Variants in HDAC8 observed in about 807,000 individuals in gnomAD.
HDAC8 encodes the protein histone deacetylase 8.
Under a neutral mutation model 32.2 loss-of-function variants are expected in HDAC8, and 1 was observed. That is an observed-to-expected ratio of 0.03 (90% CI 0.01 to 0.15). The LOEUF is 0.15. HDAC8 is among the 10% of genes least tolerant of loss of function. The probability of loss-of-function intolerance (pLI) is 1.00; values close to 1 mark genes in which losing one functional copy is unlikely to be tolerated. For missense variants in HDAC8, 117 were observed against 300.0 expected, an observed-to-expected ratio of 0.39 and a Z score of 4.51; for synonymous variants, 108 against 113.9, an observed-to-expected ratio of 0.95 and a Z score of 0.33.
chrX:72,471,885 TTA>T (rs1375054113), intron 7 of HDAC8, among the ~76,000 whole-genome samples: 1 of 111,328 alleles, frequency 9.0e-6, no homozygotes, highest in Non-Finnish European at 1.9e-5. Flanking sequence ...CTTTTTTTGC[TTA>T]TGTTTTTGGT....
Position 72,395,933 on chromosome X carries a change from TA to T in HDAC8, c.1006-44096del, listed in dbSNP as rs1429328663. ...CTCACTAACTTGGAGACTAGGAGTGTAAATATGCAAACTGTTTTCCCCTTAA... is the reference window on the plus strand; with the variant it reads ...CTCACTAACTTGGAGACTAGGAGTGTAATATGCAAACTGTTTTCCCCTTAA... On this transcript the variant is annotated intron_variant, in intron 9 of 10. Coordinates refer to ENST00000373573, the MANE Select transcript of HDAC8 (RefSeq NM_018486.3). 4.5e-5 allele frequency among the ~76,000 whole-genome samples: 5 copies of T among 111,643 alleles called. No individual in the cohort carries two copies. In the East Asian group the frequency reaches 1.4e-3, roughly 32 times the overall value.
intron 7 of HDAC8, among the ~76,000 whole-genome samples, chrX:72,473,091 A>G (rs1209204942): frequency 2.7e-5 from 3 of 112,468 alleles, no homozygotes; most frequent in Non-Finnish European, 5.6e-5. Flanking sequence ...TCTTAATTCA[A>G]AAACCTTTAA....
At chrX:72,486,414 C>T (rs186566904) in intron 7 of HDAC8, among the ~76,000 whole-genome samples, 1 of 112,430 alleles carries the variant, frequency 8.9e-6, no homozygotes, top group Non-Finnish European at 1.9e-5. Flanking sequence ...CTAGGCAATT[C>T]CTGCTCCTCA....
chrX:72,561,305 C>A (rs1053300113), intron 4 of HDAC8, among the ~76,000 whole-genome samples: 5 of 112,122 alleles, frequency 4.5e-5, no homozygotes. Context: ...CCATAGTCAC[C>A]AAAACAGCAC....
At chrX:72,540,928 C>T (rs782259072) in intron 4 of HDAC8, among the ~76,000 whole-genome samples, 45 of 111,385 alleles carry the variant, frequency 4.0e-4, no homozygotes, top group Admixed American at 2.6e-3. Context: ...CCCAACAATA[C>T]GAGCTGGGGC....
At chrX:72,570,924 TTTTG>T (rs10541191) in intron 2 of HDAC8, among the ~76,000 whole-genome samples, 4,064 of 111,763 alleles carry the variant, frequency 0.036, 196 homozygotes, top group African/African-American at 0.13. Context: ...CTTTGGTCTT[TTTTG>T]TTTGTTTGTT....
At chrX:72,448,249 G>A (rs181774870) in intron 9 of HDAC8, among the ~76,000 whole-genome samples, 37 of 111,439 alleles carry the variant, frequency 3.3e-4, no homozygotes, top group Admixed American at 3.2e-3. Context: ...ACAGACCAAT[G>A]GAACAGAACA....
At chrX:72,501,519 G>A (rs2049217028) in intron 4 of HDAC8, among the ~76,000 whole-genome samples, 1 of 101,816 alleles carries the variant, frequency 9.8e-6, no homozygotes, top group Non-Finnish European at 2.2e-5. Context: ...AAGCAATGGG[G>A]GAAAGACTCC....
intron 9 of HDAC8, among the ~76,000 whole-genome samples, chrX:72,452,845 A>G (rs782710439): frequency 8.9e-6 from 1 of 112,013 alleles, no homozygotes; most frequent in African/African-American, 3.2e-5. Flanking sequence ...AAGAAAAATC[A>G]GTTAACAGAA....
chrX:72,529,672 G>A (rs2050267055), intron 4 of HDAC8, among the ~76,000 whole-genome samples: 1 of 112,296 alleles, frequency 8.9e-6, no homozygotes, highest in East Asian at 2.8e-4. Flanking sequence ...AACTAATACA[G>A]TACTCAATAC....
At chrX:72,445,635 T>A (rs56100945) in intron 9 of HDAC8, among the ~76,000 whole-genome samples, 19,157 of 111,381 alleles carry the variant, frequency 0.17, 1,714 homozygotes, top group Non-Finnish European at 0.26. Context: ...AAGGACTTCA[T>A]GTCTAAAACA....
At chrX:72,545,450 C>T (rs1460689017) in intron 4 of HDAC8, among the ~76,000 whole-genome samples, 1 of 112,559 alleles carries the variant, frequency 8.9e-6, no homozygotes, top group Admixed American at 9.4e-5. Context: ...CTATAAGGTA[C>T]ATACTATTGT....
At chrX:72,486,262 G>T (rs1402824577) in intron 7 of HDAC8, among the ~76,000 whole-genome samples, 1 of 111,997 alleles carries the variant, frequency 8.9e-6, no homozygotes, top group Non-Finnish European at 1.9e-5. Context: ...ATGTGTAAGA[G>T]ACTGTTTCCA....
Position 72,400,644 on chromosome X carries a change from A to G in HDAC8, c.1006-48806T>C, listed in dbSNP as rs188186243. On this transcript the variant is annotated intron_variant, in intron 9 of 10. Coordinates refer to ENST00000373573, the MANE Select transcript of HDAC8 (RefSeq NM_018486.3). ...AGCTTTATTGAGATATAATCTACAT[A>G]CCCCACAATTCACCCATTCATAGTA... is the stretch of plus-strand genomic sequence containing the variant. Among the ~76,000 whole-genome samples, 225 of 112,389 alleles carry G rather than the reference A, an allele frequency of 2.0e-3. 3 individuals are homozygous for G. Among genetic ancestry groups the G allele is most frequent in the Non-Finnish European group, 1.5e-3 (82 of 53,271 alleles).
chrX:72,489,493 C>T (rs1173423679), intron 6 of HDAC8, among the ~76,000 whole-genome samples: 2 of 111,434 alleles, frequency 1.8e-5, no homozygotes, highest in African/African-American at 6.5e-5. Flanking sequence ...GAAAAACAAT[C>T]AATGGGGAAA....
chrX:72,390,308 AGT>A (rs1186973443), intron 9 of HDAC8, among the ~76,000 whole-genome samples: 2 of 112,479 alleles, frequency 1.8e-5, no homozygotes, highest in Non-Finnish European at 3.8e-5. Context: ...ACCCATTAAC[AGT>A]GTGATATTTT....
chrX:72,426,480 A>C (rs2046642325), intron 9 of HDAC8, among the ~76,000 whole-genome samples: 1 of 112,196 alleles, frequency 8.9e-6, no homozygotes, highest in Non-Finnish European at 1.9e-5. Flanking sequence ...TTTGTGTAAA[A>C]TTCTTCCAAT....
At chrX:72,350,207 AG>A (rs1555948339) in intron 10 of HDAC8, among the ~76,000 whole-genome samples, 1 of 111,394 alleles carries the variant, frequency 9.0e-6, no homozygotes, top group East Asian at 2.8e-4. Flanking sequence ...AGAGGGAGTT[AG>A]CTTGAAACTA....
intron 6 of HDAC8, chrX:72,489,376 C>T (rs1318979862): frequency 1.3e-5 from 3 of 231,277 alleles, no homozygotes; most frequent in Non-Finnish European, 2.4e-5. Flanking sequence ...CATAAGTGAT[C>T]TGTTAACAGT....
Sources: allele counts gnomAD v4.1 joint callset (sites outside exome capture counted in the v4.1 genomes callset), GRCh38; gene constraint gnomAD v4.1.1; transcripts MANE v1.5; gene names NCBI Gene and HGNC (gene_info 2026-07-23, HGNC 2026-07-21).